The following KHDRBS3 variants were observed in gnomAD, a reference collection of about 807,000 sequenced individuals.
KHDRBS3 encodes the protein KH domain-containing, RNA-binding, signal transduction-associated protein 3.
In KHDRBS3, 23 loss-of-function variants were observed where a neutral mutation model predicts 45.6. That is an observed-to-expected ratio of 0.50 (90% CI 0.36 to 0.72). KHDRBS3 has a LOEUF of 0.72. Among genes scored for constraint, KHDRBS3 ranks in the 30% least tolerant of loss-of-function variants. KHDRBS3 has a pLI of 0.00. For missense variants in KHDRBS3, 352 were observed against 424.8 expected, an observed-to-expected ratio of 0.83 and a Z score of 1.51; for synonymous variants, 162 against 156.5, an observed-to-expected ratio of 1.04 and a Z score of -0.26.
intron 5 of KHDRBS3, among the ~76,000 whole-genome samples, chr8:135,570,830 GA>G (rs1827667963): frequency 6.6e-6 from 1 of 152,028 alleles, no homozygotes; most frequent in Admixed American, 6.5e-5. Flanking sequence ...AAGGTCCACC[GA>G]ATTCCTTCTA....
chr8:135,528,500 A>AT (rs147266079), intron 2 of KHDRBS3, among the ~76,000 whole-genome samples: 1 of 152,086 alleles, frequency 6.6e-6, no homozygotes, highest in Non-Finnish European at 1.5e-5. Context: ...GAGACATAAT[A>AT]TTTTTTCAGA....
At chr8:135,571,668 G>A (rs1229631667) in intron 5 of KHDRBS3, among the ~76,000 whole-genome samples, 1 of 152,086 alleles carries the variant, frequency 6.6e-6, no homozygotes, top group African/African-American at 2.4e-5. Flanking sequence ...AGTGCTGGCG[G>A]GAAGTCATCC....
intron 1 of KHDRBS3, among the ~76,000 whole-genome samples, chr8:135,474,379 A>G (rs1822165776): frequency 6.6e-6 from 1 of 152,208 alleles, no homozygotes. Flanking sequence ...CATGAATCGA[A>G]CCAGATGCCC....
intron 4 of KHDRBS3, among the ~76,000 whole-genome samples, chr8:135,652,618 C>T (rs1169467539): frequency 1.3e-5 from 2 of 152,216 alleles, no homozygotes; most frequent in Non-Finnish European, 2.9e-5. Context: ...TGAATGAACA[C>T]AACTCTTACC....
intron 6 of KHDRBS3, among the ~76,000 whole-genome samples, chr8:135,585,324 A>C (rs1828420555): frequency 6.6e-6 from 1 of 151,914 alleles, no homozygotes; most frequent in African/African-American, 2.4e-5. Context: ...AAAACCAAGG[A>C]GCTTGTAACA....
In KHDRBS3 at chr8:135,521,282, A is replaced by G. The variant is rs1428492476; in HGVS notation, c.134A>G (p.Tyr45Cys). The G allele has an allele frequency of 6.2e-7, 1 of 1,612,434 alleles. No individual in the cohort carries two copies. The highest frequency in any genetic ancestry group is 8.5e-7 in the Non-Finnish European group (1 of 1,178,498). The change falls in exon 2 of 9, where the codon TAC becomes TGC. Residue 45 changes from tyrosine (Y) to cysteine (C), a missense_variant. Transcript: ENST00000355849. Reference sequence around the variant, plus strand: ...GGAGAAGGCAAGGATGAAGAAAAGTACATCGATGTGGTGATTAATAAGAAC... The same window carrying G: ...GGAGAAGGCAAGGATGAAGAAAAGTGCATCGATGTGGTGATTAATAAGAAC... ...QKGEGKDEEK[Y>C]IDVVINKNMK...
intron 2 of KHDRBS3, among the ~76,000 whole-genome samples, chr8:135,521,994 G>A (rs1441205376): frequency 6.6e-6 from 1 of 151,978 alleles, no homozygotes; most frequent in Non-Finnish European, 1.5e-5. Context: ...TACATGTGCA[G>A]GACGTGCAGG....
chr8:135,500,307 C>T (rs1823672558), intron 1 of KHDRBS3, among the ~76,000 whole-genome samples: 1 of 151,712 alleles, frequency 6.6e-6, no homozygotes, highest in Non-Finnish European at 1.5e-5. Flanking sequence ...GAGTGGAGCA[C>T]GTACTGTGCT....
intron 6 of KHDRBS3, among the ~76,000 whole-genome samples, chr8:135,584,866 AC>A (rs1828388431): frequency 1.3e-5 from 2 of 152,182 alleles, no homozygotes; most frequent in South Asian, 4.1e-4. Context: ...AAGATTACTC[AC>A]CCATCACGCT....
Position 135,494,776 on chromosome 8 carries a change from T to G in KHDRBS3, c.89-26461T>G, listed in dbSNP as rs1823348348. Among the ~76,000 whole-genome samples, 3 of 152,338 alleles carry G rather than the reference T, an allele frequency of 2.0e-5. No individual in the cohort carries two copies. In the South Asian group the frequency reaches 6.2e-4, roughly 32 times the overall value. On this transcript the variant is annotated intron_variant, in intron 1 of 8. Coordinates refer to ENST00000355849, the MANE Select transcript of KHDRBS3 (RefSeq NM_006558.3). Reference sequence around the variant, plus strand: ...TCCATAGTGGGTTCAAGAGAATGTCTTCTCATCCCCTCCACCATCGCCATT... The same window carrying G: ...TCCATAGTGGGTTCAAGAGAATGTCGTCTCATCCCCTCCACCATCGCCATT...
chr8:135,515,409 C>T (rs10110423), intron 1 of KHDRBS3, among the ~76,000 whole-genome samples: 98,612 of 123,676 alleles, frequency 0.8, 40,003 homozygotes, highest in East Asian at 0.96. Context: ...AAAAGATTCC[C>T]TGTGTTTGCT....
chr8:135,626,570 G>A (rs959107975), intron 7 of KHDRBS3, among the ~76,000 whole-genome samples: 14 of 151,960 alleles, frequency 9.2e-5, no homozygotes, highest in African/African-American at 1.4e-4. Context: ...TTGGGAGGCC[G>A]AGGCGGGCGG....
intron 6 of KHDRBS3, among the ~76,000 whole-genome samples, chr8:135,587,438 G>A (rs1828531208): frequency 6.6e-6 from 1 of 152,078 alleles, no homozygotes; most frequent in Non-Finnish European, 1.5e-5. Context: ...ATTTAATGTG[G>A]TTAGCTTTTT....
At chr8:135,579,103 T>G (rs1001779848) in intron 5 of KHDRBS3, among the ~76,000 whole-genome samples, 1 of 152,172 alleles carries the variant, frequency 6.6e-6, no homozygotes, top group Non-Finnish European at 1.5e-5. Context: ...GGACTATTTT[T>G]GGGGATTTTT....
intron 5 of KHDRBS3, among the ~76,000 whole-genome samples, chr8:135,568,489 G>A (rs1827538588): frequency 6.6e-6 from 1 of 152,252 alleles, no homozygotes; most frequent in African/African-American, 2.4e-5. Context: ...CATTTCTGGA[G>A]GAGAAAAAGT....
intron 5 of KHDRBS3, among the ~76,000 whole-genome samples, chr8:135,572,644 C>G (rs1474785192): frequency 6.6e-6 from 1 of 152,242 alleles, no homozygotes; most frequent in African/African-American, 2.4e-5. Flanking sequence ...AATGTAAACC[C>G]CACTCTGGCC....
At chr8:135,489,282 T>C (rs1047655677) in intron 1 of KHDRBS3, among the ~76,000 whole-genome samples, 25 of 152,202 alleles carry the variant, frequency 1.6e-4, no homozygotes, top group African/African-American at 5.5e-4. Flanking sequence ...ACCGTATCTG[T>C]CATGGTGCTG....
chr8:135,560,635 A>AT (rs1406344696), intron 5 of KHDRBS3, among the ~76,000 whole-genome samples: 3 of 152,110 alleles, frequency 2.0e-5, no homozygotes, highest in Non-Finnish European at 2.9e-5. Flanking sequence ...TTTTTTGTTT[A>AT]TTTTGAATAC....
intron 1 of KHDRBS3, among the ~76,000 whole-genome samples, chr8:135,469,098 G>A (rs965102940): frequency 6.6e-6 from 1 of 152,242 alleles, no homozygotes; most frequent in South Asian, 2.1e-4. Context: ...TGAGAGGCAC[G>A]ACTCCAGCAC....
Sources: allele counts gnomAD v4.1 joint callset (sites outside exome capture counted in the v4.1 genomes callset), GRCh38; gene constraint gnomAD v4.1.1; transcripts MANE v1.5; gene names NCBI Gene and HGNC (gene_info 2026-07-23, HGNC 2026-07-21).